Variants in SOX5 observed in about 807,000 individuals in gnomAD.
SOX5 encodes transcription factor SOX-5.
In SOX5, 9 loss-of-function variants were observed where a neutral mutation model predicts 92.0. That is an observed-to-expected ratio of 0.10 (90% confidence interval 0.06 to 0.17). The LOEUF is 0.17. SOX5 is among the 10% of genes least tolerant of loss of function. The pLI is 1.00. For synonymous variants in SOX5, 344 were observed against 336.3 expected (o/e 1.02, Z -0.25); for missense variants, 642 against 944.5 (o/e 0.68, Z 4.20).
At chr12:23,688,245 G>T (rs148618176) in intron 6 of SOX5, among the ~76,000 whole-genome samples, 1 of 151,906 alleles carries the variant, frequency 6.6e-6, no homozygotes, top group Non-Finnish European at 1.5e-5. Context: ...CTCTAATACC[G>T]AGCTGCACTT....
chr12:23,988,642 T>C (rs1269326808), intron 4 of SOX5, among the ~76,000 whole-genome samples: 1 of 152,040 alleles, frequency 6.6e-6, no homozygotes, highest in African/African-American at 2.4e-5. Context: ...ATAAGTTAGG[T>C]ATAGAAACAA....
At chr12:23,792,306 G>C (rs186422053) in intron 3 of SOX5, among the ~76,000 whole-genome samples, 320 of 151,872 alleles carry the variant, frequency 2.1e-3, no homozygotes, top group African/African-American at 7.3e-3. Context: ...TTCACACATG[G>C]GGATACACAT....
At chr12:24,181,589 T>C (rs760326246) in intron 4 of SOX5, among the ~76,000 whole-genome samples, 16 of 152,192 alleles carry the variant, frequency 1.1e-4, no homozygotes, top group African/African-American at 2.4e-4. Flanking sequence ...AGGATCATAA[T>C]ATACCCTGCT....
rs369470738 is a variant in SOX5 at position 24,092,811 on chromosome 12, G to C, written c.-2+120532C>G. Among the ~76,000 whole-genome samples, 35 of 152,166 alleles carry C rather than the reference G, an allele frequency of 2.3e-4. No homozygotes were observed. In the South Asian group the frequency reaches 7.3e-3, roughly 32 times the overall value. The stretch of plus-strand genomic sequence containing the variant: ...ATCTATTTTTCCACCACCAAATCTT[G>C]TTCTGGGCATGTTTCTTGCTTTAGA... On this transcript the variant is annotated intron_variant, in intron 4 of 4. Transcript: ENST00000446891.
chr12:24,540,859 A>ACCCT (rs1952059622), intron 1 of SOX5, among the ~76,000 whole-genome samples: 1 of 152,192 alleles, frequency 6.6e-6, no homozygotes, highest in African/African-American at 2.4e-5. Flanking sequence ...TATTAAATAG[A>ACCCT]GCAAATCTAC....
intron 9 of SOX5, chr12:23,584,569 A>T (rs760968162): frequency 1.4e-5 from 22 of 1,611,366 alleles, no homozygotes; most frequent in Non-Finnish European, 1.8e-5. Flanking sequence ...CTCCTATGGC[A>T]CAAATCTCCA....
In SOX5 at chr12:23,710,942, G is replaced by A. The variant is rs533182479; in HGVS notation, c.810+23742C>T. On this transcript the variant is annotated intron_variant, in intron 6 of 14. Transcript: ENST00000451604. ...TTTAATGATCACCATTCTAACTGGT[G>A]TGAGATGGTATCTAATTGTGGTTTT... Among the ~76,000 whole-genome samples, 3 of 152,244 alleles carry A rather than the reference G, an allele frequency of 2.0e-5. No individual in the cohort carries two copies. In the South Asian group the frequency reaches 6.2e-4, roughly 32 times the overall value.
At chr12:23,840,367 A>G (rs2096497222) in intron 3 of SOX5, among the ~76,000 whole-genome samples, 2 of 152,152 alleles carry the variant, frequency 1.3e-5, no homozygotes, top group Non-Finnish European at 2.9e-5. Context: ...TTTTATGTTC[A>G]TGAATATGAT....
intron 4 of SOX5, among the ~76,000 whole-genome samples, chr12:23,984,184 A>G (rs557723607): frequency 6.6e-6 from 1 of 152,290 alleles, no homozygotes; most frequent in Non-Finnish European, 1.5e-5. Flanking sequence ...AGATATTAAT[A>G]TAATAATGTA....
intron 2 of SOX5, among the ~76,000 whole-genome samples, chr12:23,871,977 T>C (rs2096877367): frequency 6.6e-6 from 1 of 151,266 alleles, no homozygotes. Flanking sequence ...AACACAAGCA[T>C]TATATTACAT....
At chr12:24,371,342 C>T (rs1186837594) in intron 1 of SOX5, among the ~76,000 whole-genome samples, 1 of 151,758 alleles carries the variant, frequency 6.6e-6, no homozygotes, top group Non-Finnish European at 1.5e-5. Flanking sequence ...ACAGATTTTT[C>T]CCCCCCAGGG....
chr12:24,045,561 A>G (rs530230263), intron 4 of SOX5, among the ~76,000 whole-genome samples: 1 of 152,190 alleles, frequency 6.6e-6, no homozygotes, highest in East Asian at 1.9e-4. Context: ...CAGCCTCCCA[A>G]ACTGCTGGGA....
intron 1 of SOX5, among the ~76,000 whole-genome samples, chr12:24,478,365 G>C (rs1333546832): frequency 1.3e-5 from 2 of 152,132 alleles, no homozygotes; most frequent in African/African-American, 2.4e-5. Context: ...CTTGAAAGAA[G>C]AGAGACAAAA....
intron 6 of SOX5, among the ~76,000 whole-genome samples, chr12:23,697,042 C>T (rs2089977341): frequency 6.6e-6 from 1 of 152,082 alleles, no homozygotes; most frequent in Admixed American, 6.5e-5. Context: ...TCTGTGTGCA[C>T]TTTAAAAGAA....
chr12:23,754,323 T>A (rs573259216), intron 4 of SOX5, among the ~76,000 whole-genome samples: 1 of 151,994 alleles, frequency 6.6e-6, no homozygotes, highest in East Asian at 1.9e-4. Context: ...ATAAAAAACC[T>A]TGGAGAATGC....
At chr12:23,674,788 TCTATATATACTA>T (rs912626163) in intron 6 of SOX5, among the ~76,000 whole-genome samples, 19 of 152,034 alleles carry the variant, frequency 1.2e-4, no homozygotes, top group African/African-American at 3.1e-4. Flanking sequence ...TCAAAATTTC[TCTATATATACTA>T]CTATATATAC....
chr12:24,501,076 AT>A (rs1334472557), intron 1 of SOX5, among the ~76,000 whole-genome samples: 1 of 152,218 alleles, frequency 6.6e-6, no homozygotes, highest in African/African-American at 2.4e-5. Flanking sequence ...ATAAAGTTTC[AT>A]TACAAATTAG....
In SOX5 at chr12:24,168,780, G is replaced by A. The variant is rs76144119; in HGVS notation, c.-2+44563C>T. 4.9e-3 allele frequency among the ~76,000 whole-genome samples: 742 copies of A among 152,320 alleles called. 12 individuals carry two copies. Among genetic ancestry groups the A allele is most frequent in the African/African-American group, 0.017 (702 of 41,574 alleles). On this transcript the variant is annotated intron_variant, in intron 4 of 4. Transcript: ENST00000446891. ...TATAAACCAAACGCCCACGGTGGGA[G>A]GAAAATCTTACATATCTATGAAATG...
intron 1 of SOX5, among the ~76,000 whole-genome samples, chr12:24,529,644 C>A (rs1038483510): frequency 2.1e-4 from 32 of 152,078 alleles, no homozygotes; most frequent in Non-Finnish European, 3.5e-4. Context: ...TGTAGAAGAA[C>A]CAAAATGAAC....
Sources: allele counts gnomAD v4.1 joint callset (sites outside exome capture counted in the v4.1 genomes callset), GRCh38; gene constraint gnomAD v4.1.1; transcripts MANE v1.5; gene names NCBI Gene and HGNC (gene_info 2026-07-23, HGNC 2026-07-21).